MFSD8: variants seen among roughly 807,000 people sequenced by gnomAD.
MFSD8 encodes major facilitator superfamily domain-containing protein 8.
In MFSD8, 55 loss-of-function variants were observed where a neutral mutation model predicts 66.4. The observed-to-expected ratio is 0.83, with a 90% CI of 0.67 to 1.04. The LOEUF (loss-of-function observed/expected upper bound fraction) is 1.04. Ranked by LOEUF, MFSD8 falls within the 50% of genes least tolerant of loss-of-function variation. MFSD8 has a pLI of 0.00. For missense variants in MFSD8, 550 were observed against 627.6 expected (o/e 0.88, Z 1.32); for synonymous variants, 202 against 212.8 (o/e 0.95, Z 0.44).
rs1292235645 is a variant in MFSD8, at chr4:127,944,065, CA to C, written c.199-74del. Reference sequence around the variant, plus strand: ...TTAAAACTAAATACATTTGTCATACCATGTAAGATTTCCTATCAAAAAATAA... The same window carrying C: ...TTAAAACTAAATACATTTGTCATACCTGTAAGATTTCCTATCAAAAAATAA... On this transcript the variant is annotated intron_variant, in intron 3 of 11. Transcript: ENST00000641686. 3.5e-5 allele frequency: 56 copies of C among 1,584,578 alleles called. No homozygotes were observed. The African/African-American group carries it at 6.5e-4, about 18-fold the overall frequency.
At chr4:127,964,238 A>C (rs376465996) in intron 1 of MFSD8, among the ~76,000 whole-genome samples, 5 of 152,068 alleles carry the variant, frequency 3.3e-5, no homozygotes, top group East Asian at 3.9e-4. Flanking sequence ...GTGCACCCGC[A>C]CTCCTCAGCC....
At chr4:127,939,719 G>T in intron 6 of MFSD8, 134 bp downstream of exon 6, 2 of 952,242 alleles carry the variant, frequency 2.1e-6, no homozygotes, top group Non-Finnish European at 3.0e-6. Flanking sequence ...AGTACTACCT[G>T]ACCAAAAAAT....
At chr4:127,962,058 T>C (rs545267436) in intron 1 of MFSD8, among the ~76,000 whole-genome samples, 1 of 152,130 alleles carries the variant, frequency 6.6e-6, no homozygotes, top group East Asian at 1.9e-4. Flanking sequence ...GCAACAACAA[T>C]AAAACAACTG....
intron 9 of MFSD8, among the ~76,000 whole-genome samples, chr4:127,928,048 GTATT>G (rs1020178766): frequency 6.6e-6 from 1 of 151,844 alleles, no homozygotes; most frequent in East Asian, 1.9e-4. Flanking sequence ...TTATTTATTT[GTATT>G]TATTTATTTA....
At position 127,960,101 on chromosome 4, in the gene MFSD8, T is replaced by C. The variant is rs547377949; in HGVS notation, c.63-2509A>G. Among the ~76,000 whole-genome samples, 12 of 152,314 alleles carry C rather than the reference T, an allele frequency of 7.9e-5. No homozygotes were observed. The East Asian group carries it at 2.3e-3, about 29-fold the overall frequency. On this transcript the variant is annotated intron_variant, in intron 1 of 11. Coordinates refer to ENST00000641686, the MANE Select transcript of MFSD8 (RefSeq NM_001371596.2). ...TTCCAGTAAAACTGTAGTACTACAG[T>C]TTTATCCTGTTCAACATTTCTATTA...
intron 2 of MFSD8, among the ~76,000 whole-genome samples, chr4:127,952,360 C>T (rs141825090): frequency 2.0e-5 from 3 of 150,908 alleles, no homozygotes; most frequent in African/African-American, 4.9e-5. Flanking sequence ...GCAGAGATTG[C>T]GCTACTGCAC....
At position 127,921,666 on chromosome 4, in the gene MFSD8, A is replaced by G. The variant is rs745633928; in HGVS notation, c.1208T>C (p.Ile403Thr). ...GGTGTAGAGGCACCAGGCTTGTTCA[A>G]TCGAGCAACCAGTTGGTCTTTCATT... is the stretch of plus-strand genomic sequence containing the variant. ...DDNERPTGCSIEQAWCLYTPV... is the reference protein window; with the variant it reads ...DDNERPTGCSTEQAWCLYTPV... The change falls in exon 11 of 12, where the codon ATT becomes ACT. Residue 403 changes from isoleucine (I) to threonine (T), a missense_variant. Coordinates refer to ENST00000641686, the MANE Select transcript of MFSD8 (RefSeq NM_001371596.2). The G allele has an allele frequency of 5.0e-6, 8 of 1,614,220 alleles. No individual in the cohort carries two copies. Among genetic ancestry groups the G allele is most frequent in the South Asian group, 3.3e-5 (3 of 91,092 alleles).
chr4:127,965,180 T>C (rs1435240498), upstream of MFSD8: 2 of 1,609,882 alleles, frequency 1.2e-6, no homozygotes, highest in Admixed American at 1.7e-5. Flanking sequence ...TCGCGACACC[T>C]GCTTTCTCCC....
At chr4:127,929,915 C>A (rs917446038) in intron 9 of MFSD8, among the ~76,000 whole-genome samples, 1 of 152,076 alleles carries the variant, frequency 6.6e-6, no homozygotes, top group Admixed American at 6.6e-5. Flanking sequence ...ATCACTCATA[C>A]CCCAAACATA....
At chr4:127,922,480 C>A (rs1281731819) in intron 9 of MFSD8, among the ~76,000 whole-genome samples, 1 of 151,952 alleles carries the variant, frequency 6.6e-6, no homozygotes, top group Non-Finnish European at 1.5e-5. Context: ...TAAAAATTAG[C>A]CAGGAGTGGT....
At chr4:127,936,382 T>C (rs1739082515) in intron 7 of MFSD8, among the ~76,000 whole-genome samples, 1 of 152,072 alleles carries the variant, frequency 6.6e-6, no homozygotes, top group South Asian at 2.1e-4. Context: ...CCCAAAGTGC[T>C]GGGATTACAG....
At chr4:127,956,143 T>G (rs1742823469) in intron 2 of MFSD8, among the ~76,000 whole-genome samples, 1 of 150,098 alleles carries the variant, frequency 6.7e-6, no homozygotes, top group Non-Finnish European at 1.5e-5. Flanking sequence ...TAATAAAATT[T>G]TTTTAAAAAG....
intron 2 of MFSD8, among the ~76,000 whole-genome samples, chr4:127,953,048 C>T (rs776836868): frequency 2.0e-5 from 3 of 152,088 alleles, no homozygotes; most frequent in Admixed American, 6.6e-5. Context: ...GCCCCTTCCA[C>T]CTTCTTGATG....
chr4:127,960,682 A>C (rs941095986), intron 1 of MFSD8, among the ~76,000 whole-genome samples: 1 of 152,206 alleles, frequency 6.6e-6, no homozygotes, highest in Non-Finnish European at 1.5e-5. Context: ...AATTTTACAG[A>C]GACTAGGCTA....
At chr4:127,927,345 T>G (rs898370009) in intron 9 of MFSD8, among the ~76,000 whole-genome samples, 1 of 152,076 alleles carries the variant, frequency 6.6e-6, no homozygotes, top group African/African-American at 2.4e-5. Flanking sequence ...CCAGCTAATT[T>G]TTGTGTATTT....
At chr4:127,929,783 T>C (rs1262263058) in intron 9 of MFSD8, among the ~76,000 whole-genome samples, 1 of 152,166 alleles carries the variant, frequency 6.6e-6, no homozygotes, top group Admixed American at 6.5e-5. Context: ...TTAGTGTACA[T>C]GTCAAAAGCT....
chr4:127,954,695 C>T (rs1377073160), intron 2 of MFSD8, among the ~76,000 whole-genome samples: 1 of 152,180 alleles, frequency 6.6e-6, no homozygotes, highest in Non-Finnish European at 1.5e-5. Context: ...ACATTTAGCA[C>T]ACTGAATAGA....
At chr4:127,921,190 G>A in intron 11 of MFSD8, 2 of 575,484 alleles carry the variant, frequency 3.5e-6, no homozygotes, top group Non-Finnish European at 6.1e-6. Flanking sequence ...TCGATGACAG[G>A]TGTTATGCCT....
intron 2 of MFSD8, among the ~76,000 whole-genome samples, chr4:127,952,182 G>T (rs1177838001): frequency 6.6e-6 from 1 of 151,616 alleles, no homozygotes; most frequent in East Asian, 2.0e-4. Flanking sequence ...TGGGTGGGCG[G>T]ATCATGAGGT....
Sources: gnomAD v4.1 joint callset for allele counts (sites outside exome capture counted in the v4.1 genomes callset) on GRCh38, gnomAD v4.1.1 for gene constraint, MANE v1.5 for transcripts, NCBI Gene and HGNC (gene_info 2026-07-23, HGNC 2026-07-21) for gene names.